DYM: variants seen among roughly 807,000 people sequenced by gnomAD.
DYM encodes the protein dymeclin.
DYM carries 78 observed loss-of-function variants against 93.1 expected under a neutral mutation model. The ratio of observed to expected loss-of-function variants is 0.84; its 90% CI spans 0.70 to 1.01. The LOEUF is 1.01. Ranked by LOEUF, DYM falls within the 50% of genes least tolerant of loss-of-function variation. The probability of loss-of-function intolerance (pLI) is 0.00; values close to 1 mark genes in which losing one functional copy is unlikely to be tolerated. For missense variants in DYM, 789 were observed against 845.0 expected, an observed-to-expected ratio of 0.93 and a Z score of 0.82; for synonymous variants, 321 against 319.7, an observed-to-expected ratio of 1.00 and a Z score of -0.04.
intron 11 of DYM, among the ~76,000 whole-genome samples, chr18:49,260,224 C>A (rs1238069940): frequency 6.6e-6 from 1 of 152,024 alleles, no homozygotes; most frequent in African/African-American, 2.4e-5. Flanking sequence ...TCTAAGAATA[C>A]AAAAAATTAG....
intron 2 of DYM, 24 bp from the exon 3 acceptor site, chr18:49,391,669 T>C (rs2069268746): frequency 6.3e-7 from 1 of 1,596,412 alleles, no homozygotes; most frequent in Non-Finnish European, 8.6e-7. Context: ...AGAATAAAGG[T>C]AATTAATGAC....
chr18:49,039,136 T>C lies in DYM; in HGVS notation c.*4919A>G, dbSNP rs1481459950. Among the ~76,000 whole-genome samples the C allele has an allele frequency of 6.6e-6, 1 of 152,236 alleles. No individual in the cohort carries two copies. The highest frequency in any genetic ancestry group is 1.5e-5 in the Non-Finnish European group (1 of 68,046). ...ATTCTTCTAGCTGTTTCTCTAAAAA[T>C]GTCTTCATATCCTCTTCATTTTTGC... On this transcript the variant is annotated 3_prime_UTR_variant, in exon 18 of 18. Transcript: ENST00000675505.
At chr18:49,128,278 C>A (rs1266491184) in intron 15 of DYM, among the ~76,000 whole-genome samples, 1 of 152,102 alleles carries the variant, frequency 6.6e-6, no homozygotes, top group Non-Finnish European at 1.5e-5. Flanking sequence ...AGGCCCACTG[C>A]CAGCAGAAGA....
At chr18:49,388,913 CAAA>C (rs59658815) in intron 3 of DYM, among the ~76,000 whole-genome samples, 12,535 of 128,998 alleles carry the variant, frequency 0.097, 766 homozygotes, top group East Asian at 0.33. Flanking sequence ...CATTTTCAGA[CAAA>C]AAAAAAAAAA....
intron 17 of DYM, among the ~76,000 whole-genome samples, chr18:49,095,922 T>C (rs758695394): frequency 6.6e-6 from 1 of 152,146 alleles, no homozygotes; most frequent in Admixed American, 6.6e-5. Flanking sequence ...TTCTACTTTG[T>C]TCTTGACTGA....
chr18:49,150,011 A>G (rs1409731492), intron 15 of DYM, among the ~76,000 whole-genome samples: 1 of 152,118 alleles, frequency 6.6e-6, no homozygotes, highest in Non-Finnish European at 1.5e-5. Flanking sequence ...CCAGCCTCAC[A>G]AAGTGTTTTT....
At chr18:49,355,239 GTATC>G (rs1053109189) in intron 6 of DYM, among the ~76,000 whole-genome samples, 2 of 151,638 alleles carry the variant, frequency 1.3e-5, no homozygotes, top group Non-Finnish European at 2.9e-5. Flanking sequence ...ATTGATAGAT[GTATC>G]TATCAATGTA....
At chr18:49,271,058 C>A (rs2094685327) in intron 11 of DYM, among the ~76,000 whole-genome samples, 1 of 152,114 alleles carries the variant, frequency 6.6e-6, no homozygotes, top group African/African-American at 2.4e-5. Flanking sequence ...GACTTCCAAT[C>A]GACTTCTTAG....
At chr18:49,263,397 G>A (rs2094520087) in intron 11 of DYM, among the ~76,000 whole-genome samples, 2 of 151,020 alleles carry the variant, frequency 1.3e-5, no homozygotes, top group South Asian at 4.2e-4. Flanking sequence ...GGGATTACAG[G>A]CGTGAGCCAC....
chr18:49,407,911 T>C (rs1427844996), intron 2 of DYM, among the ~76,000 whole-genome samples: 1 of 152,138 alleles, frequency 6.6e-6, no homozygotes, highest in Non-Finnish European at 1.5e-5. Context: ...CTCTAATCCA[T>C]TTAAATTATT....
At chr18:49,095,375 A>G (rs953850782) in intron 17 of DYM, among the ~76,000 whole-genome samples, 4 of 152,128 alleles carry the variant, frequency 2.6e-5, no homozygotes, top group African/African-American at 7.2e-5. Context: ...ATTTAAACCA[A>G]CTAGGATGAC....
chr18:49,454,803 G>A (rs552126814), intron 1 of DYM, among the ~76,000 whole-genome samples: 1 of 151,630 alleles, frequency 6.6e-6, no homozygotes, highest in Non-Finnish European at 1.5e-5. Flanking sequence ...AGCTACTCAG[G>A]AGGCTGAGGC....
At chr18:49,125,921 C>G (rs967285151) in intron 15 of DYM, among the ~76,000 whole-genome samples, 2 of 152,232 alleles carry the variant, frequency 1.3e-5, no homozygotes, top group Non-Finnish European at 2.9e-5. Flanking sequence ...TCTTCTCAAG[C>G]CCATCAGCAA....
At chr18:49,275,214 T>A (rs1455398203) in intron 10 of DYM, among the ~76,000 whole-genome samples, 1 of 152,158 alleles carries the variant, frequency 6.6e-6, no homozygotes, top group African/African-American at 2.4e-5. Context: ...CCAGTACCAT[T>A]TGTTGAAAAA....
intron 8 of DYM, among the ~76,000 whole-genome samples, chr18:49,303,366 G>A (rs1355440894): frequency 6.6e-6 from 1 of 152,152 alleles, no homozygotes; most frequent in Non-Finnish European, 1.5e-5. Flanking sequence ...AAGAAAACGA[G>A]CAGGAATGTC....
chr18:49,118,877 A>G lies in DYM; in HGVS notation c.1778T>C (p.Ile593Thr). ...IEEVIRMMLE[I>T]INSCLTNSLH... ...GGAATTTGTCAGGCAGGAGTTGATG[A>G]TCTCTAACATCATTCGAATCACTTC... Residue 593 changes from isoleucine to threonine, a missense_variant, in exon 16 of 18, where the codon ATC (isoleucine) becomes ACC (threonine). Physicochemically the swap from Ile to Thr is moderately conservative, Grantham distance 89 (BLOSUM62 -1). Around this residue, in one of 3 missense-constraint regions of DYM, gnomAD observed 225 missense variants for 303.0 expected, o/e 0.74. Transcript: ENST00000675505. The G allele has an allele frequency of 1.2e-6, 2 of 1,614,108 alleles. No homozygotes were observed. Among genetic ancestry groups the G allele is most frequent in the Non-Finnish European group, 1.7e-6 (2 of 1,179,992 alleles).
intron 13 of DYM, among the ~76,000 whole-genome samples, chr18:49,218,624 T>C (rs1037657463): frequency 5.9e-5 from 9 of 152,032 alleles, no homozygotes; most frequent in Middle Eastern, 3.4e-3. Flanking sequence ...CTCAACTACA[T>C]GGAAACTGAA....
At chr18:49,080,115 ACCC>A (rs1289687671) in intron 17 of DYM, among the ~76,000 whole-genome samples, 2 of 26,820 alleles carry the variant, frequency 7.5e-5, no homozygotes, top group Admixed American at 3.5e-4. Flanking sequence ...CGGGGGGCTG[ACCC>A]CCCCACCTCC....
At chr18:49,298,409 G>A (rs866735173) in intron 8 of DYM, among the ~76,000 whole-genome samples, 5 of 151,992 alleles carry the variant, frequency 3.3e-5, no homozygotes, top group Middle Eastern at 3.4e-3. Context: ...GTGAAACCCC[G>A]TCTCTACTAA....
Sources: allele counts gnomAD v4.1 joint callset (sites outside exome capture counted in the v4.1 genomes callset), GRCh38; gene constraint gnomAD v4.1.1; regional missense constraint gnomAD v4.1.1; transcripts MANE v1.5; gene names NCBI Gene and HGNC (gene_info 2026-07-23, HGNC 2026-07-21).